Variants in DOCK3 observed in about 807,000 individuals in gnomAD.
DOCK3 encodes the protein dedicator of cytokinesis protein 3.
In DOCK3, 60 loss-of-function variants were observed where a neutral mutation model predicts 265.6. The observed-to-expected ratio is 0.23, with a 90% CI of 0.18 to 0.28. The LOEUF (loss-of-function observed/expected upper bound fraction) is 0.28. Ranked by LOEUF, DOCK3 falls within the 10% of genes least tolerant of loss-of-function variation. The probability of loss-of-function intolerance (pLI) is 1.00; values close to 1 mark genes in which losing one functional copy is unlikely to be tolerated. For missense variants in DOCK3, 1,981 were observed against 2,594.3 expected, an observed-to-expected ratio of 0.76 and a Z score of 5.14; for synonymous variants, 881 against 938.0, an observed-to-expected ratio of 0.94 and a Z score of 1.11.
At chr3:51,194,221 C>T (rs1195238258) in intron 12 of DOCK3, among the ~76,000 whole-genome samples, 1 of 151,880 alleles carries the variant, frequency 6.6e-6, no homozygotes, top group African/African-American at 2.4e-5. Context: ...TCCAAAGTTC[C>T]TCTTGGCTTT....
chr3:51,363,935 C>G (rs1438505140), intron 49 of DOCK3, among the ~76,000 whole-genome samples: 1 of 152,136 alleles, frequency 6.6e-6, no homozygotes, highest in African/African-American at 2.4e-5. Context: ...TGAATAGTGC[C>G]GCAGTAAACA....
At chr3:51,075,748 A>G (rs1055645971) in intron 7 of DOCK3, among the ~76,000 whole-genome samples, 16 of 152,154 alleles carry the variant, frequency 1.1e-4, no homozygotes, top group Non-Finnish European at 1.8e-4. Context: ...CACCTCTTTA[A>G]AAGAGAAAGT....
At chr3:51,208,268 G>C (rs1232113301) in intron 12 of DOCK3, among the ~76,000 whole-genome samples, 1 of 152,174 alleles carries the variant, frequency 6.6e-6, no homozygotes, top group Non-Finnish European at 1.5e-5. Context: ...TCTTAACTTG[G>C]TCTGGTTAAA....
chr3:51,292,903 A>G (rs1264268318), intron 27 of DOCK3, among the ~76,000 whole-genome samples: 1 of 152,152 alleles, frequency 6.6e-6, no homozygotes, highest in Admixed American at 6.5e-5. Flanking sequence ...TTTCAGGGGT[A>G]CATTTAACCA....
At chr3:51,304,420 C>T (rs76779338) in intron 27 of DOCK3, among the ~76,000 whole-genome samples, 4 of 151,966 alleles carry the variant, frequency 2.6e-5, no homozygotes, top group East Asian at 1.9e-4. Flanking sequence ...CCTCCCCTCC[C>T]GCTCAGGATG....
At chr3:51,232,830 G>T (rs1008705621) in intron 19 of DOCK3, among the ~76,000 whole-genome samples, 2 of 152,152 alleles carry the variant, frequency 1.3e-5, no homozygotes, top group Non-Finnish European at 2.9e-5. Context: ...AGGGTTGTCT[G>T]TTTACTCCAC....
chr3:50,688,964 G>C (rs1322485629), intron 1 of DOCK3, among the ~76,000 whole-genome samples: 5 of 152,144 alleles, frequency 3.3e-5, no homozygotes, highest in African/African-American at 1.2e-4. Context: ...TGGGAAAGAG[G>C]CATGGACTGT....
intron 5 of DOCK3, among the ~76,000 whole-genome samples, chr3:51,010,330 A>C (rs1449682566): frequency 6.6e-6 from 1 of 152,216 alleles, no homozygotes; most frequent in African/African-American, 2.4e-5. Context: ...CATTTAGGAT[A>C]TTTAGCTCTT....
At chr3:51,303,414 A>G (rs555706446) in intron 27 of DOCK3, among the ~76,000 whole-genome samples, 1 of 152,178 alleles carries the variant, frequency 6.6e-6, no homozygotes, top group Non-Finnish European at 1.5e-5. Context: ...ACTTCTGTCA[A>G]TTCATTCATC....
intron 26 of DOCK3, 189 bp downstream of exon 26, chr3:51,277,943 T>A (rs2080903395): frequency 1.0e-6 from 1 of 985,218 alleles, no homozygotes; most frequent in Non-Finnish European, 1.2e-6. Context: ...TAGGTTCACA[T>A]TCCCAGGACT....
chr3:50,809,787 A>G (rs1374516359), intron 2 of DOCK3, among the ~76,000 whole-genome samples: 1 of 152,224 alleles, frequency 6.6e-6, no homozygotes, highest in Non-Finnish European at 1.5e-5. Context: ...GAAGCCAGAT[A>G]TGAGAATTAG....
intron 3 of DOCK3, among the ~76,000 whole-genome samples, chr3:50,883,784 A>T (rs2107677361): frequency 6.6e-6 from 1 of 152,312 alleles, no homozygotes; most frequent in East Asian, 1.9e-4. Context: ...CATGAGTGAC[A>T]TTTAGTACAT....
At chr3:51,185,712 G>A (rs2087560579) in intron 12 of DOCK3, among the ~76,000 whole-genome samples, 2 of 152,086 alleles carry the variant, frequency 1.3e-5, no homozygotes, top group African/African-American at 4.8e-5. Flanking sequence ...CATGGGGGCG[G>A]GTCTTTCCCA....
intron 1 of DOCK3, among the ~76,000 whole-genome samples, chr3:50,741,095 T>G (rs1463463023): frequency 6.6e-6 from 1 of 151,804 alleles, no homozygotes; most frequent in Non-Finnish European, 1.5e-5. Flanking sequence ...CACGGTTCTA[T>G]ATCATGTGCT....
In DOCK3 at chr3:51,116,359, G is replaced by T. The variant is rs1227177088; in HGVS notation, c.746+25975G>T. On this transcript the variant is annotated intron_variant, in intron 9 of 52. Coordinates refer to ENST00000266037, the MANE Select transcript of DOCK3 (RefSeq NM_004947.5). ...CCAGCTACTCGGGAGGCTGAGGCAG[G>T]AGAATGGTGTGAACCCGGGAGGTGG... 2.1e-5 allele frequency among the ~76,000 whole-genome samples: 3 copies of T among 146,048 alleles called. No individual in the cohort carries two copies. The Admixed American group carries it at 2.1e-4, about 10-fold the overall frequency.
At chr3:51,027,697 T>A (rs997855338) in intron 5 of DOCK3, among the ~76,000 whole-genome samples, 1 of 152,174 alleles carries the variant, frequency 6.6e-6, no homozygotes. Flanking sequence ...TGTAATGCCC[T>A]TCTTTGTCCT....
At chr3:50,831,274 C>A (rs2107113608) in intron 2 of DOCK3, among the ~76,000 whole-genome samples, 1 of 151,310 alleles carries the variant, frequency 6.6e-6, no homozygotes, top group African/African-American at 2.4e-5. Context: ...TTCTGGGATA[C>A]ATGTGCAGAA....
intron 1 of DOCK3, among the ~76,000 whole-genome samples, chr3:50,708,560 T>C (rs560520684): frequency 6.6e-6 from 1 of 152,336 alleles, no homozygotes; most frequent in Admixed American, 6.5e-5. Context: ...CTGTGGCTGC[T>C]TGTGCCTCCA....
chr3:50,807,336 A>G (rs2043486682), intron 2 of DOCK3, among the ~76,000 whole-genome samples: 1 of 150,798 alleles, frequency 6.6e-6, no homozygotes, highest in Non-Finnish European at 1.5e-5. Flanking sequence ...GCTCACTGCA[A>G]CTTTGAACTC....
Sources: gnomAD v4.1 joint callset for allele counts (sites outside exome capture counted in the v4.1 genomes callset) on GRCh38, gnomAD v4.1.1 for gene constraint, MANE v1.5 for transcripts, NCBI Gene and HGNC (gene_info 2026-07-23, HGNC 2026-07-21) for gene names.